Variants in GRID2 observed in about 807,000 individuals in gnomAD.
GRID2 encodes glutamate ionotropic receptor delta type subunit 2.
GRID2 carries 33 observed loss-of-function variants against 114.8 expected under a neutral mutation model. The observed-to-expected ratio is 0.29, with a 90% CI of 0.22 to 0.38. GRID2 has a LOEUF of 0.38. GRID2 is among the 10% of genes least tolerant of loss of function. The pLI, the probability that GRID2 is intolerant of heterozygous loss-of-function variation, is 1.00. For synonymous variants in GRID2, 505 were observed against 449.9 expected, an observed-to-expected ratio of 1.12 and a Z score of -1.55; for missense variants, 1,184 against 1,257.7, an observed-to-expected ratio of 0.94 and a Z score of 0.89.
At chr4:93,000,767 G>T (rs1720885301) in intron 2 of GRID2, among the ~76,000 whole-genome samples, 1 of 100,392 alleles carries the variant, frequency 1.0e-5, no homozygotes, top group African/African-American at 3.9e-5. Context: ...GGTACACATG[G>T]ACATAAAGAT....
chr4:92,527,399 G>A (rs1174010740), intron 1 of GRID2, among the ~76,000 whole-genome samples: 1 of 151,994 alleles, frequency 6.6e-6, no homozygotes, highest in Non-Finnish European at 1.5e-5. Context: ...AATGATAATG[G>A]TCTGCCATTT....
intron 2 of GRID2, among the ~76,000 whole-genome samples, chr4:93,025,568 A>T (rs1369382208): frequency 6.6e-6 from 1 of 151,780 alleles, no homozygotes; most frequent in Non-Finnish European, 1.5e-5. Context: ...GAGAATTTTT[A>T]TGTAGATTAT....
At chr4:93,237,488 A>C (rs896683248) in intron 7 of GRID2, among the ~76,000 whole-genome samples, 1 of 151,942 alleles carries the variant, frequency 6.6e-6, no homozygotes, top group African/African-American at 2.4e-5. Context: ...TTAAATATCA[A>C]CATCTTAGAG....
chr4:93,530,129 A>G (rs919768868), intron 13 of GRID2, among the ~76,000 whole-genome samples: 19 of 152,176 alleles, frequency 1.2e-4, no homozygotes, highest in African/African-American at 4.3e-4. Context: ...TCTACTTCCA[A>G]TTTAGTAATT....
At chr4:93,173,927 A>G (rs964497534) in intron 4 of GRID2, among the ~76,000 whole-genome samples, 2 of 152,012 alleles carry the variant, frequency 1.3e-5, no homozygotes, top group African/African-American at 4.8e-5. Context: ...ACCAGCCTGG[A>G]TTTTTCTTTT....
intron 1 of GRID2, among the ~76,000 whole-genome samples, chr4:92,481,788 T>C (rs574737094): frequency 2.6e-4 from 40 of 151,626 alleles, no homozygotes; most frequent in Admixed American, 5.9e-4. Flanking sequence ...GTAAATTGCC[T>C]TGGGAAGCAT....
chr4:92,908,428 T>G (rs1354563957), intron 2 of GRID2, among the ~76,000 whole-genome samples: 2 of 152,008 alleles, frequency 1.3e-5, no homozygotes, highest in African/African-American at 2.4e-5. Context: ...AAAAGCAAGA[T>G]AGAGCTTTCT....
intron 2 of GRID2, among the ~76,000 whole-genome samples, chr4:92,730,466 T>C (rs1736279770): frequency 6.6e-6 from 1 of 151,986 alleles, no homozygotes; most frequent in Admixed American, 6.6e-5. Flanking sequence ...CAAAAATTAA[T>C]GAATTTTAAC....
At chr4:93,465,173 C>T (rs1724147921) in intron 11 of GRID2, among the ~76,000 whole-genome samples, 1 of 152,106 alleles carries the variant, frequency 6.6e-6, no homozygotes, top group Admixed American at 6.5e-5. Flanking sequence ...ATGGAATTCA[C>T]AGATATCCTG....
intron 2 of GRID2, among the ~76,000 whole-genome samples, chr4:92,942,553 C>T (rs185575066): frequency 6.6e-6 from 1 of 152,108 alleles, no homozygotes; most frequent in Non-Finnish European, 1.5e-5. Context: ...TTAATTGGAG[C>T]ATTTATCCCA....
intron 10 of GRID2, among the ~76,000 whole-genome samples, chr4:93,448,902 T>C (rs1205570562): frequency 4.9e-4 from 10 of 20,530 alleles, no homozygotes; most frequent in African/African-American, 2.5e-3. Context: ...CCCTTCCCCT[T>C]CCCTTCCCTT....
At chr4:92,567,176 T>C (rs1727377784) in intron 1 of GRID2, among the ~76,000 whole-genome samples, 1 of 152,026 alleles carries the variant, frequency 6.6e-6, no homozygotes, top group Non-Finnish European at 1.5e-5. Context: ...ACTTATCGGA[T>C]CAGATAACCT....
chr4:93,802,629 G>A (rs755039108), intron 1 of GRID2, among the ~76,000 whole-genome samples: 3 of 152,020 alleles, frequency 2.0e-5, no homozygotes, highest in Admixed American at 2.0e-4. Context: ...CTTTACTGCC[G>A]TATCTATATT....
chr4:92,707,502 A>G (rs2149306462), intron 2 of GRID2, among the ~76,000 whole-genome samples: 1 of 152,346 alleles, frequency 6.6e-6, no homozygotes, highest in South Asian at 2.1e-4. Context: ...AATATGAAAT[A>G]ATTCACTCCT....
At chr4:93,734,096 A>G (rs1730722568) in intron 14 of GRID2, among the ~76,000 whole-genome samples, 1 of 152,000 alleles carries the variant, frequency 6.6e-6, no homozygotes, top group Non-Finnish European at 1.5e-5. Flanking sequence ...AGTTACTCAA[A>G]CTCACTTAAT....
intron 2 of GRID2, among the ~76,000 whole-genome samples, chr4:92,893,164 AT>A (rs1251063427): frequency 2.6e-5 from 4 of 151,944 alleles, no homozygotes; most frequent in Non-Finnish European, 5.9e-5. Flanking sequence ...CAGAATGTAG[AT>A]TTTTTTTCTG....
At chr4:93,765,554 T>G (rs1008559672) in intron 14 of GRID2, among the ~76,000 whole-genome samples, 3 of 150,584 alleles carry the variant, frequency 2.0e-5, no homozygotes, top group Non-Finnish European at 4.4e-5. Context: ...AATTAAATGA[T>G]TTTTTTTGGG....
intron 2 of GRID2, among the ~76,000 whole-genome samples, chr4:92,813,258 C>G (rs1205767470): frequency 6.6e-6 from 1 of 152,086 alleles, no homozygotes; most frequent in Non-Finnish European, 1.5e-5. Context: ...TTATGTCTAA[C>G]AATTCTGAAG....
At chr4:93,036,445 A>C (rs1166616643) in intron 2 of GRID2, among the ~76,000 whole-genome samples, 1 of 152,208 alleles carries the variant, frequency 6.6e-6, no homozygotes, top group African/African-American at 2.4e-5. Context: ...AAACTTAATC[A>C]GTTTAATATA....
Sources: allele counts gnomAD v4.1 joint callset (sites outside exome capture counted in the v4.1 genomes callset), GRCh38; gene constraint gnomAD v4.1.1; transcripts MANE v1.5; gene names NCBI Gene and HGNC (gene_info 2026-07-23, HGNC 2026-07-21).